SRCIN1: variants seen among roughly 807,000 people sequenced by gnomAD.
SRCIN1 encodes SRC kinase signaling inhibitor 1.
In SRCIN1, 50 loss-of-function variants were observed where a neutral mutation model predicts 116.2. That is an observed-to-expected ratio of 0.43 (90% CI 0.34 to 0.54). SRCIN1 has a LOEUF of 0.54. Ranked by LOEUF, SRCIN1 falls within the 20% of genes least tolerant of loss-of-function variation. SRCIN1 has a pLI of 0.02. For missense variants in SRCIN1, 1,446 were observed against 1,672.0 expected, an observed-to-expected ratio of 0.86 and a Z score of 2.36; for synonymous variants, 736 against 750.0, an observed-to-expected ratio of 0.98 and a Z score of 0.30.
chr17:38,604,180 G>A lies in SRCIN1; in HGVS notation c.22+1504C>T, dbSNP rs548085778. Among the ~76,000 whole-genome samples, 7 of 152,110 alleles carry A rather than the reference G, an allele frequency of 4.6e-5. No individual in the cohort carries two copies. Among genetic ancestry groups the A allele is most frequent in the Non-Finnish European group, 1.0e-4 (7 of 68,022 alleles). The stretch of plus-strand genomic sequence containing the variant: ...CAAGATACCAAGAGTCGGGAAGAAG[G>A]TATCCTGACGACCCCCCAAAAGTGC... On this transcript the variant is annotated intron_variant, in intron 1 of 18. Transcript: ENST00000617146. This position sits in a 1 kb window ranked among gnomAD's most constrained non-coding sequence, Gnocchi z 4.3.
At chr17:38,550,958 C>A (rs1905355156) in intron 15 of SRCIN1, among the ~76,000 whole-genome samples, 197 bp downstream of exon 15, 1 of 152,256 alleles carries the variant, frequency 6.6e-6, no homozygotes, top group Non-Finnish European at 1.5e-5. Flanking sequence ...GTGGGAAATG[C>A]CGGGATGGAG....
At chr17:38,581,498 A>G (rs1907818321) in intron 1 of SRCIN1, among the ~76,000 whole-genome samples, 1 of 147,372 alleles carries the variant, frequency 6.8e-6, no homozygotes, top group Non-Finnish European at 1.5e-5. Context: ...CTTTATTTTC[A>G]TAAGGATTAG....
intron 18 of SRCIN1, among the ~76,000 whole-genome samples, chr17:38,535,658 G>A (rs2040990591): frequency 6.6e-6 from 1 of 152,092 alleles, no homozygotes; most frequent in South Asian, 2.1e-4. Flanking sequence ...CCAGTACCTG[G>A]GCCTGGAGAC....
In SRCIN1 at chr17:38,550,804, G is replaced by A. The variant is rs188250959; in HGVS notation, c.2962+351C>T. ...ACTCAGGCTGGGGACCATGGGAACT[G>A]TGTCAGTATCAGCAGTATCAGCGCT... is the stretch of plus-strand genomic sequence containing the variant. On this transcript the variant is annotated intron_variant, in intron 15 of 18. Transcript: ENST00000617146. Among the ~76,000 whole-genome samples, 6 of 152,380 alleles carry A rather than the reference G, an allele frequency of 3.9e-5. No homozygotes were observed. In the East Asian group the frequency reaches 7.7e-4, roughly 20 times the overall value.
chr17:38,552,357 G>T lies in SRCIN1; in HGVS notation c.2480+90C>A. On this transcript the variant is annotated intron_variant, in intron 13 of 18. Transcript: ENST00000617146. This position sits in a 1 kb window ranked among gnomAD's most constrained non-coding sequence, Gnocchi z 5.3. ...TCCAGTCGGCACGCCAGTGACCTTT[G>T]GGGGAGTTGGGGTAAGGGTTCAGTA... 1.3e-6 allele frequency: 2 copies of T among 1,490,652 alleles called. No homozygotes were observed. The highest frequency in any genetic ancestry group is 1.3e-5 in the South Asian group (1 of 74,210). 92.3% of individuals were successfully genotyped at this position (1,490,652 alleles called of 1,614,324 possible).
intron 1 of SRCIN1, among the ~76,000 whole-genome samples, chr17:38,589,263 G>A (rs1908313712): frequency 6.6e-6 from 1 of 152,232 alleles, no homozygotes; most frequent in Non-Finnish European, 1.5e-5. Flanking sequence ...CAGTCTACAT[G>A]CAGGGGTCTA....
Position 38,549,105 on chromosome 17 carries a change from C to T in SRCIN1, c.3068G>A (p.Arg1023His), listed in dbSNP as rs753640745. 1.5e-5 allele frequency: 24 copies of T among 1,592,100 alleles called. No individual in the cohort carries two copies. Among genetic ancestry groups the T allele is most frequent in the African/African-American group, 5.5e-5 (4 of 73,272 alleles). ...GCTGGTGACCACCACCTCTCCGGTA[C>T]GTGTGGTGGTCAGGCCATGGGAGGA... ...FPSSHGLTTT[R>H]TGEVVVTSKK... is the part of the protein sequence containing the mutation. The change falls in exon 16 of 19, where the codon CGT becomes CAT. Residue 1023 changes from arginine to histidine, a missense_variant. Transcript: ENST00000617146.
intron 9 of SRCIN1, 103 bp downstream of exon 9, chr17:38,559,951 C>G: frequency 1.5e-6 from 2 of 1,364,162 alleles, no homozygotes; most frequent in Non-Finnish European, 2.0e-6. Flanking sequence ...AAAAAGACCT[C>G]TTGGGCTAAG....
At chr17:38,538,309 A>C (rs1322109766) in intron 18 of SRCIN1, among the ~76,000 whole-genome samples, 17 of 140,622 alleles carry the variant, frequency 1.2e-4, no homozygotes, top group South Asian at 2.3e-4. Flanking sequence ...CCCAGCTACT[A>C]GGGAGGCTGA....
intron 1 of SRCIN1, among the ~76,000 whole-genome samples, chr17:38,591,736 C>A (rs1397734655): frequency 6.6e-6 from 1 of 152,202 alleles, no homozygotes; most frequent in African/African-American, 2.4e-5. Flanking sequence ...AAGTTCCTGG[C>A]CCAGTCAGCT....
Position 38,530,463 on chromosome 17 carries a change from A to G in SRCIN1, c.*2834T>C, listed in dbSNP as rs973114119. ...CGTCTTAGTTTTCTCTTGGTCAAGC[A>G]CACACTGATGGACAGAGCAGCGAGG... On this transcript the variant is annotated 3_prime_UTR_variant, in exon 19 of 19. Coordinates refer to ENST00000617146, the MANE Select transcript of SRCIN1 (RefSeq NM_025248.3). 1.3e-5 allele frequency: 2 copies of G among 153,096 alleles called. No individual in the cohort carries two copies. Among genetic ancestry groups the G allele is most frequent in the African/African-American group, 4.8e-5 (2 of 41,476 alleles). The allele number at this position is 153,096 out of a possible 1,614,324, so 9.5% of individuals were successfully genotyped here.
intron 11 of SRCIN1, among the ~76,000 whole-genome samples, chr17:38,557,665 C>T (rs1464118221): frequency 6.6e-6 from 1 of 152,266 alleles, no homozygotes; most frequent in African/African-American, 2.4e-5. Flanking sequence ...CCTAAGCATG[C>T]GGAGGCACAG....
rs749225665 is a variant in SRCIN1, at chr17:38,558,310, G to A, written c.2118C>T (p.Asp706=). 2.9e-5 allele frequency: 46 copies of A among 1,611,194 alleles called. No homozygotes were observed. Among genetic ancestry groups the A allele is most frequent in the African/African-American group, 5.3e-5 (4 of 74,922 alleles). ...RVSEAARRQE[D]PLQRQRTLVE... is the part of the protein sequence containing the mutation. ...CCAGGGTGCGCTGCCGCTGCAGCGG[G>A]TCCTCCTGCCGCCGCGCCGCCTCCG... Residue 706 remains aspartate (D), a synonymous_variant, in exon 11 of 19, where the codon GAC becomes GAT. Coordinates refer to ENST00000617146, the MANE Select transcript of SRCIN1 (RefSeq NM_025248.3). The surrounding 1 kb of genome is among the most constrained non-coding windows in gnomAD (Gnocchi z 4.6).
At chr17:38,536,614 G>T (rs969926149) in intron 18 of SRCIN1, among the ~76,000 whole-genome samples, 4 of 152,180 alleles carry the variant, frequency 2.6e-5, no homozygotes, top group African/African-American at 7.2e-5. Flanking sequence ...CGACTCTACA[G>T]ACCCCGCTGA....
At chr17:38,543,538 A>G (rs1386870296) in intron 18 of SRCIN1, among the ~76,000 whole-genome samples, 1 of 152,234 alleles carries the variant, frequency 6.6e-6, no homozygotes. Flanking sequence ...AGGAGCCAGC[A>G]GTGGCAGCTG....
In SRCIN1 at chr17:38,533,285, G is replaced by T; in HGVS notation, c.*12C>A. ...GGGAGGGGGACAGGCGGGGCAGCGGGGTGAGGGGCTTCTAGAAGGAGATGG... is the reference window on the plus strand; with the variant it reads ...GGGAGGGGGACAGGCGGGGCAGCGGTGTGAGGGGCTTCTAGAAGGAGATGG... On this transcript the variant is annotated 3_prime_UTR_variant, in exon 19 of 19. Coordinates refer to ENST00000617146, the MANE Select transcript of SRCIN1 (RefSeq NM_025248.3). 1 of 1,545,578 alleles carries T rather than the reference G, an allele frequency of 6.5e-7. No homozygotes were observed. Among genetic ancestry groups the T allele is most frequent in the Non-Finnish European group, 8.8e-7 (1 of 1,141,844 alleles).
chr17:38,586,317 T>C (rs561135781), intron 1 of SRCIN1, among the ~76,000 whole-genome samples: 4 of 152,290 alleles, frequency 2.6e-5, no homozygotes, highest in East Asian at 3.9e-4. Context: ...CCCTGGGCAC[T>C]GTAGTGGATG....
Position 38,605,584 on chromosome 17 carries a change from G to GC in SRCIN1, c.22+99dup. 5.1e-6 allele frequency: 5 copies of GC among 984,570 alleles called. No homozygotes were observed. In the South Asian group the frequency reaches 7.5e-5, roughly 15 times the overall value. The allele number at this position is 984,570 out of a possible 1,614,324, so 61.0% of individuals were successfully genotyped here. ...CCACCGCCTCCCCGGCCCGGCCGCC[G>GC]CCCCCGCCCCCGGCCGAGGGGGAAA... On this transcript the variant is annotated intron_variant, in intron 1 of 18. Transcript: ENST00000617146.
intron 2 of SRCIN1, among the ~76,000 whole-genome samples, chr17:38,575,199 C>A (rs1647495970): frequency 6.6e-6 from 1 of 152,186 alleles, no homozygotes. Context: ...CCTGGGGGTT[C>A]CCTGAGCCCA....
Sources: allele counts gnomAD v4.1 joint callset (sites outside exome capture counted in the v4.1 genomes callset), GRCh38; gene constraint gnomAD v4.1.1; non-coding constraint Gnocchi (gnomAD v3.1); transcripts MANE v1.5; gene names NCBI Gene and HGNC (gene_info 2026-07-23, HGNC 2026-07-21).